The following AFF3 variants were observed in gnomAD, a reference collection of about 807,000 sequenced individuals.
AFF3 encodes the protein ALF transcription elongation factor 3.
In AFF3, 32 loss-of-function variants were observed where a neutral mutation model predicts 129.7. The observed-to-expected ratio is 0.25, with a 90% confidence interval of 0.19 to 0.33. AFF3 has a LOEUF of 0.33. Ranked by LOEUF, AFF3 falls within the 10% of genes least tolerant of loss-of-function variation. AFF3 has a pLI of 1.00. For synonymous variants in AFF3, 644 were observed against 635.4 expected (o/e 1.01, Z -0.20); for missense variants, 1,373 against 1,592.0 (o/e 0.86, Z 2.34).
Position 99,933,332 on chromosome 2 carries a change from C to CTCT in AFF3, c.873+73297_873+73299dup, listed in dbSNP as rs1163807120. On this transcript the variant is annotated intron_variant, in intron 7 of 24. Coordinates refer to ENST00000672756, the MANE Select transcript of AFF3 (RefSeq NM_001386135.1). The stretch of plus-strand genomic sequence containing the variant: ...GTATTTAGCTTAAGAATTGGAAAGA[C>CTCT]TCTTTTTTTTTAAGTTCTGGGACAC... 3.3e-5 allele frequency among the ~76,000 whole-genome samples: 5 copies of CTCT among 151,626 alleles called. No individual in the cohort carries two copies. The South Asian group carries it at 1.0e-3, about 31-fold the overall frequency.
chr2:100,050,578 C>A (rs1008766662), intron 4 of AFF3, among the ~76,000 whole-genome samples: 1 of 152,182 alleles, frequency 6.6e-6, no homozygotes, highest in African/African-American at 2.4e-5. Context: ...AAAGATGTAA[C>A]TGCAGAGTGT....
chr2:99,656,192 A>G (rs976269604), intron 12 of AFF3, among the ~76,000 whole-genome samples: 1 of 152,256 alleles, frequency 6.6e-6, no homozygotes, highest in Non-Finnish European at 1.5e-5. Context: ...AGAAACATCA[A>G]TAACAGTCAT....
intron 4 of AFF3, among the ~76,000 whole-genome samples, chr2:100,010,824 G>A (rs78177784): frequency 0.013 from 1,941 of 152,204 alleles, 53 homozygotes; most frequent in African/African-American, 0.044. Context: ...ATGAAACCCC[G>A]GCTTTCAGGA....
intron 7 of AFF3, among the ~76,000 whole-genome samples, chr2:99,921,998 G>A (rs1695886896): frequency 6.6e-6 from 1 of 152,000 alleles, no homozygotes; most frequent in Non-Finnish European, 1.5e-5. Flanking sequence ...ACAAATTAAA[G>A]CCACAATGAG....
chr2:99,676,281 G>A (rs1266895052), intron 11 of AFF3, among the ~76,000 whole-genome samples: 1 of 152,160 alleles, frequency 6.6e-6, no homozygotes, highest in African/African-American at 2.4e-5. Context: ...CATTGTTTAA[G>A]GGATGTCCGT....
intron 7 of AFF3, among the ~76,000 whole-genome samples, chr2:99,949,984 C>T (rs1349649519): frequency 6.6e-6 from 1 of 152,148 alleles, no homozygotes; most frequent in Non-Finnish European, 1.5e-5. Context: ...TTCACATCAT[C>T]ACACAATAAC....
At chr2:99,689,528 A>C (rs995030649) in intron 11 of AFF3, among the ~76,000 whole-genome samples, 3 of 151,856 alleles carry the variant, frequency 2.0e-5, no homozygotes, top group African/African-American at 7.3e-5. Context: ...GCCACTCCAC[A>C]CTGGAATGAT....
chr2:99,817,052 T>G (rs1223776096), intron 8 of AFF3, among the ~76,000 whole-genome samples: 1 of 152,186 alleles, frequency 6.6e-6, no homozygotes, highest in African/African-American at 2.4e-5. Flanking sequence ...CAGGCTGCAG[T>G]TCTGTATCCT....
In AFF3 at chr2:99,896,219, T is replaced by C. The variant is rs143465921; in HGVS notation, c.874-58695A>G. Among the ~76,000 whole-genome samples the C allele has an allele frequency of 4.5e-3, 678 of 152,178 alleles. 4 individuals carry two copies. The highest frequency in any genetic ancestry group is 7.6e-3 in the Non-Finnish European group (517 of 68,004). The stretch of plus-strand genomic sequence containing the variant: ...AGGGAGGCCTAAGTTGGTTGTATAA[T>C]AAGTAGGGCATTTATATGACCTTGT... On this transcript the variant is annotated intron_variant, in intron 7 of 24. Transcript: ENST00000672756.
intron 7 of AFF3, among the ~76,000 whole-genome samples, chr2:99,867,089 G>C (rs1019939965): frequency 1.3e-5 from 2 of 151,648 alleles, no homozygotes; most frequent in Non-Finnish European, 2.9e-5. Context: ...CACAAGAAAG[G>C]GGATTCTATG....
At chr2:100,141,867 GAC>G (rs1381238288) in intron 1 of AFF3, among the ~76,000 whole-genome samples, 3 of 151,838 alleles carry the variant, frequency 2.0e-5, no homozygotes, top group African/African-American at 4.8e-5. Flanking sequence ...CACATACACA[GAC>G]ACACACACAC....
chr2:99,818,529 C>T (rs543505222), intron 8 of AFF3, among the ~76,000 whole-genome samples: 1 of 152,284 alleles, frequency 6.6e-6, no homozygotes, highest in African/African-American at 2.4e-5. Flanking sequence ...TCTTTGGCAA[C>T]TCCCACTATT....
chr2:99,880,595 T>A (rs189400978), intron 7 of AFF3, among the ~76,000 whole-genome samples: 1 of 152,152 alleles, frequency 6.6e-6, no homozygotes, highest in Non-Finnish European at 1.5e-5. Flanking sequence ...CTGGCCTGCA[T>A]GTCATCTGGC....
At chr2:99,725,063 C>A (rs1225070990) in intron 11 of AFF3, among the ~76,000 whole-genome samples, 1 of 152,026 alleles carries the variant, frequency 6.6e-6, no homozygotes, top group Non-Finnish European at 1.5e-5. Context: ...CTCCGCCTCC[C>A]GGGTTCAAGT....
At chr2:99,597,363 T>C (rs907700606) in intron 14 of AFF3, among the ~76,000 whole-genome samples, 1 of 152,252 alleles carries the variant, frequency 6.6e-6, no homozygotes, top group Non-Finnish European at 1.5e-5. Context: ...TTATACTCAA[T>C]TGCGTTGTCT....
At chr2:99,718,755 T>A (rs1678606988) in intron 11 of AFF3, among the ~76,000 whole-genome samples, 1 of 148,230 alleles carries the variant, frequency 6.7e-6, no homozygotes, top group South Asian at 2.1e-4. Flanking sequence ...GTTTTTCAAT[T>A]TTTTTTTTTT....
intron 7 of AFF3, among the ~76,000 whole-genome samples, chr2:100,001,970 G>T (rs570050407): frequency 3.3e-5 from 5 of 152,214 alleles, no homozygotes; most frequent in Admixed American, 3.3e-4. Context: ...AGGAGGAAGC[G>T]CAGAGCGTAA....
At chr2:99,697,228 A>G (rs895419512) in intron 11 of AFF3, among the ~76,000 whole-genome samples, 23 of 152,332 alleles carry the variant, frequency 1.5e-4, no homozygotes, top group Middle Eastern at 3.4e-3. Flanking sequence ...TGCAGCTTTG[A>G]GAATCCTAAA....
At chr2:99,805,307 T>G (rs1219652984) in intron 8 of AFF3, among the ~76,000 whole-genome samples, 1 of 152,186 alleles carries the variant, frequency 6.6e-6, no homozygotes, top group African/African-American at 2.4e-5. Context: ...CTCTCTTCGT[T>G]TAAGTTCAAC....
Sources: gnomAD v4.1 joint callset for allele counts (sites outside exome capture counted in the v4.1 genomes callset) on GRCh38, gnomAD v4.1.1 for gene constraint, MANE v1.5 for transcripts, NCBI Gene and HGNC (gene_info 2026-07-23, HGNC 2026-07-21) for gene names.